The following UGT8 variants were observed in gnomAD, a reference collection of about 807,000 sequenced individuals.
UGT8 encodes 2-hydroxyacylsphingosine 1-beta-galactosyltransferase.
Under a neutral mutation model 40.5 loss-of-function variants are expected in UGT8, and 12 were observed. The observed-to-expected ratio is 0.30, with a 90% CI of 0.19 to 0.48. The LOEUF is 0.48. UGT8 is among the 20% of genes least tolerant of loss of function. The probability of loss-of-function intolerance (pLI) is 0.99; values close to 1 mark genes in which losing one functional copy is unlikely to be tolerated. For synonymous variants in UGT8, 224 were observed against 240.4 expected, an observed-to-expected ratio of 0.93 and a Z score of 0.63; for missense variants, 513 against 648.7, an observed-to-expected ratio of 0.79 and a Z score of 2.27.
chr4:114,626,278 C>T (rs1732214530), intron 2 of UGT8, among the ~76,000 whole-genome samples: 1 of 152,232 alleles, frequency 6.6e-6, no homozygotes, highest in South Asian at 2.1e-4. Flanking sequence ...TAATGAGTTT[C>T]TCAAATGCCT....
intron 2 of UGT8, among the ~76,000 whole-genome samples, chr4:114,652,342 T>C (rs959408773): frequency 6.6e-6 from 1 of 151,578 alleles, no homozygotes; most frequent in Non-Finnish European, 1.5e-5. Flanking sequence ...AGAAGGACCT[T>C]GGATGTCAGC....
intron 2 of UGT8, among the ~76,000 whole-genome samples, chr4:114,650,775 CAACAA>C (rs1326316994): frequency 6.6e-6 from 1 of 152,036 alleles, no homozygotes; most frequent in Non-Finnish European, 1.5e-5. Flanking sequence ...AAAACAACAA[CAACAA>C]AACAAAACAA....
At chr4:114,675,542 C>T (rs1221355394) in intron 5 of UGT8, among the ~76,000 whole-genome samples, 1 of 151,348 alleles carries the variant, frequency 6.6e-6, no homozygotes, top group Non-Finnish European at 1.5e-5. Context: ...AGATTGAGAC[C>T]ATCCCAGCTA....
chr4:114,611,100 A>G (rs369316336), intron 1 of UGT8, among the ~76,000 whole-genome samples: 24 of 152,016 alleles, frequency 1.6e-4, no homozygotes, highest in East Asian at 1.2e-3. Flanking sequence ...ATCCCAATAA[A>G]AGAGAATTAT....
At chr4:114,633,417 A>T (rs1202203486) in intron 2 of UGT8, among the ~76,000 whole-genome samples, 1 of 152,220 alleles carries the variant, frequency 6.6e-6, no homozygotes, top group Non-Finnish European at 1.5e-5. Context: ...GAAGGAGAGT[A>T]TTCCAGGCAA....
At chr4:114,640,061 C>T (rs572227238) in intron 2 of UGT8, among the ~76,000 whole-genome samples, 9 of 140,180 alleles carry the variant, frequency 6.4e-5, no homozygotes, top group Non-Finnish European at 1.1e-4. Flanking sequence ...GACGGAGTCT[C>T]GCTCTGTCGC....
rs1042918628 is a variant in UGT8, at chr4:114,676,914, T to G, written c.*626T>G. ...TTTGTATTTTTTTTTTTAGTTATTT[T>G]TTGTTGTTGTTGTTTGTATTGTTTT... is the stretch of plus-strand genomic sequence containing the variant. On this transcript the variant is annotated 3_prime_UTR_variant, in exon 6 of 6. Transcript: ENST00000310836. 6.6e-6 allele frequency: 1 copy of G among 151,856 alleles called. No homozygotes were observed. The highest frequency in any genetic ancestry group is 1.5e-5 in the Non-Finnish European group (1 of 67,946). 9.4% of individuals were successfully genotyped at this position (151,856 alleles called of 1,614,324 possible). A position where few individuals can be genotyped will look rare whatever the true frequency, so the allele number is the denominator to read the frequency against.
At position 114,675,735 on chromosome 4, in the gene UGT8, G is replaced by T. The variant is rs564508968; in HGVS notation, c.1263-190G>T. 167 of 187,128 alleles carry T rather than the reference G, an allele frequency of 8.9e-4. No individual in the cohort carries two copies. The African/African-American group carries it at 9.2e-3, about 10-fold the overall frequency. The allele number at this position is 187,128 out of a possible 1,614,324, so 11.6% of individuals were successfully genotyped here. ...AGCCTGGGCGACAGAGCGAGACTCC[G>T]TCTCAAAAAAAAAAAAAAAAAAAAA... On this transcript the variant is annotated intron_variant, in intron 5 of 5. Coordinates refer to ENST00000310836, the MANE Select transcript of UGT8 (RefSeq NM_001128174.3).
rs1368478542 is a variant in UGT8 at position 114,623,093 on chromosome 4, G to C, written c.213G>C (p.Gln71His). 6.2e-7 allele frequency: 1 copy of C among 1,614,132 alleles called. No homozygotes were observed. Among genetic ancestry groups the C allele is most frequent in the Non-Finnish European group, 8.5e-7 (1 of 1,180,020 alleles). Residue 71 changes from glutamine (Q) to histidine (H), a missense_variant, in exon 2 of 6, where the codon CAG becomes CAC. Physicochemically the swap from Gln to His is conservative, Grantham distance 24. Coordinates refer to ENST00000310836, the MANE Select transcript of UGT8 (RefSeq NM_001128174.3). Reference sequence around the variant, plus strand: ...CCCCATCTAATCATTACAGCCTCCAGCGCTACCCAGGGATCTTTAACAGTA... The same window carrying C: ...CCCCATCTAATCATTACAGCCTCCACCGCTACCCAGGGATCTTTAACAGTA... ...DIAPSNHYSL[Q>H]RYPGIFNSTT...
intron 2 of UGT8, among the ~76,000 whole-genome samples, chr4:114,651,392 T>C (rs929169501): frequency 6.6e-6 from 1 of 152,178 alleles, no homozygotes; most frequent in Admixed American, 6.6e-5. Context: ...TAAGCTTTTT[T>C]CTTTATACAT....
In UGT8 at chr4:114,664,132, T is replaced by C. The variant is rs1234715650; in HGVS notation, c.960T>C (p.Ile320=). The change falls in exon 3 of 6, where the codon ATT becomes ATC. Residue 320 remains isoleucine (I), a synonymous_variant. Coordinates refer to ENST00000310836, the MANE Select transcript of UGT8 (RefSeq NM_001128174.3). ...TGGGGAGATTGCCTCAAAAAGTGAT[T>C]TGGAGGTAAGGTAATAATGTAGATT... ...GALGRLPQKV[I]WRFSGPKPKN... 1.2e-6 allele frequency: 2 copies of C among 1,613,632 alleles called. No homozygotes were observed. Among genetic ancestry groups the C allele is most frequent in the Admixed American group, 1.7e-5 (1 of 60,016 alleles).
chr4:114,619,205 T>C (rs1731622463), intron 1 of UGT8, among the ~76,000 whole-genome samples: 1 of 152,250 alleles, frequency 6.6e-6, no homozygotes, highest in African/African-American at 2.4e-5. Context: ...TGGGAAGGAT[T>C]AACTTTTAGA....
At chr4:114,625,270 T>C (rs1375175031) in intron 2 of UGT8, among the ~76,000 whole-genome samples, 1 of 152,046 alleles carries the variant, frequency 6.6e-6, no homozygotes, top group African/African-American at 2.4e-5. Context: ...CCCAGCACTT[T>C]GGGAGGCCAA....
intron 2 of UGT8, among the ~76,000 whole-genome samples, chr4:114,634,627 A>G (rs1446376552): frequency 6.6e-6 from 1 of 152,254 alleles, no homozygotes; most frequent in Non-Finnish European, 1.5e-5. Flanking sequence ...GTTGCTAAGT[A>G]GATATATAGT....
intron 1 of UGT8, among the ~76,000 whole-genome samples, chr4:114,608,102 C>T (rs1449251304): frequency 1.3e-5 from 2 of 152,144 alleles, no homozygotes; most frequent in East Asian, 3.8e-4. Context: ...GGATTCTATC[C>T]TGTTTACCCA....
intron 1 of UGT8, among the ~76,000 whole-genome samples, chr4:114,614,501 G>A (rs1165898000): frequency 6.6e-6 from 1 of 152,010 alleles, no homozygotes; most frequent in African/African-American, 2.4e-5. Context: ...TTTGTTATCA[G>A]GCAAAGCAAT....
chr4:114,626,490 A>G (rs1164727505), intron 2 of UGT8, among the ~76,000 whole-genome samples: 1 of 152,230 alleles, frequency 6.6e-6, no homozygotes, highest in Non-Finnish European at 1.5e-5. Context: ...GGGCAGAGAA[A>G]ATTTATAAAG....
chr4:114,664,365 C>T (rs1734728875), intron 3 of UGT8, among the ~76,000 whole-genome samples: 1 of 152,182 alleles, frequency 6.6e-6, no homozygotes, highest in African/African-American at 2.4e-5. Flanking sequence ...AGATATGATT[C>T]AGAATGACTT....
chr4:114,662,433 C>T (rs1734599279), intron 2 of UGT8, among the ~76,000 whole-genome samples: 2 of 152,156 alleles, frequency 1.3e-5, no homozygotes, highest in South Asian at 2.1e-4. Context: ...GAAGGAGTAT[C>T]GCTTTCACAG....
Sources: allele counts gnomAD v4.1 joint callset (sites outside exome capture counted in the v4.1 genomes callset), GRCh38; gene constraint gnomAD v4.1.1; transcripts MANE v1.5; gene names NCBI Gene and HGNC (gene_info 2026-07-23, HGNC 2026-07-21).